The following TRAPPC9 variants were observed in gnomAD, a reference collection of about 807,000 sequenced individuals.
TRAPPC9 encodes the protein IKK2 binding protein.
TRAPPC9 carries 83 observed loss-of-function variants against 124.0 expected under a neutral mutation model. That is an observed-to-expected ratio of 0.67 (90% CI 0.56 to 0.80). TRAPPC9 has a LOEUF of 0.80. Among genes scored for constraint, TRAPPC9 ranks in the 30% least tolerant of loss-of-function variants. The pLI is 0.00. For synonymous variants in TRAPPC9, 638 were observed against 617.5 expected (o/e 1.03, Z -0.49); for missense variants, 1,302 against 1,508.3 (o/e 0.86, Z 2.27).
intron 17 of TRAPPC9, among the ~76,000 whole-genome samples, chr8:140,033,685 T>TTTTTTTTTTTTTTTTTTTTTTG (rs1840687348): frequency 1.7e-5 from 2 of 117,376 alleles, no homozygotes; most frequent in East Asian, 2.4e-4. Flanking sequence ...TTTTTTTTTT[T>TTTTTTTTTTTTTTTTTTTTTTG]TTTTTTTTTT....
chr8:140,371,131 T>C lies in TRAPPC9; in HGVS notation c.1184A>G (p.Tyr395Cys), dbSNP rs370310318. The C allele has an allele frequency of 9.9e-6, 16 of 1,614,020 alleles. No homozygotes were observed. The highest frequency in any genetic ancestry group is 1.1e-5 in the South Asian group (1 of 91,092). Residue 395 changes from tyrosine (Y) to cysteine (C), a missense_variant, in exon 8 of 23, where the codon TAT becomes TGT. Tyr to Cys is a radical substitution (Grantham distance 194, BLOSUM62 -2). Coordinates refer to ENST00000438773, the MANE Select transcript of TRAPPC9 (RefSeq NM_001160372.4). ...IQRYSILSEL[Y>C]ELIGFHRKSA... is the part of the protein sequence containing the mutation. ...CTTGCGATGGAAGCCGATCAGCTCA[T>C]AGAGCTCGGAGAGGATGCTGTAGCG...
chr8:139,844,885 T>A (rs536455965), intron 21 of TRAPPC9, among the ~76,000 whole-genome samples: 1 of 152,348 alleles, frequency 6.6e-6, no homozygotes, highest in East Asian at 1.9e-4. Context: ...CTGGCCAGGC[T>A]TGGCCTGAAG....
Position 140,305,300 on chromosome 8 carries a change from C to CT in TRAPPC9, c.1623-4687dup, listed in dbSNP as rs529113931. ...CTCACTCTGGTTACCTTAACTTGTT[C>CT]TTTTTTTTGAGAGAGAGAGAGAGGG... On this transcript the variant is annotated intron_variant, in intron 10 of 22. Coordinates refer to ENST00000438773, the MANE Select transcript of TRAPPC9 (RefSeq NM_001160372.4). Among the ~76,000 whole-genome samples, 344 of 152,020 alleles carry CT rather than the reference C, an allele frequency of 2.3e-3. 5 individuals are homozygous for CT. The highest frequency in any genetic ancestry group is 7.8e-3 in the African/African-American group (325 of 41,474).
intron 21 of TRAPPC9, among the ~76,000 whole-genome samples, chr8:139,864,054 C>T (rs940903348): frequency 1.3e-5 from 2 of 152,164 alleles, no homozygotes; most frequent in African/African-American, 4.8e-5. Context: ...CATTCTGGCC[C>T]AGCTCCATCA....
chr8:140,098,370 C>A (rs2060495920), intron 17 of TRAPPC9: 1 of 149,666 alleles, frequency 6.7e-6, no homozygotes, highest in South Asian at 2.1e-4. Flanking sequence ...GTAAAGAGTC[C>A]GCCCAGGTCC....
At chr8:139,863,927 G>C (rs957494316) in intron 21 of TRAPPC9, among the ~76,000 whole-genome samples, 1 of 152,206 alleles carries the variant, frequency 6.6e-6, no homozygotes, top group Non-Finnish European at 1.5e-5. Context: ...CATCACCCAG[G>C]ATGGCCAGAA....
At chr8:140,091,904 A>T (rs889186511) in intron 17 of TRAPPC9, among the ~76,000 whole-genome samples, 6 of 152,068 alleles carry the variant, frequency 3.9e-5, no homozygotes, top group African/African-American at 1.4e-4. Context: ...GACCTTCTAC[A>T]GTGGCGCCCA....
intron 15 of TRAPPC9, among the ~76,000 whole-genome samples, chr8:140,272,130 C>CAATGATGATGGTGATGGTGGT (rs1450234909): frequency 0.05 from 5,009 of 100,400 alleles, 109 homozygotes; most frequent in Middle Eastern, 0.089. Flanking sequence ...GTGATGGTGG[C>CAATGATGATGGTGATGGTGGT]GATGGTGATG....
At chr8:140,357,207 A>G (rs898667541) in intron 9 of TRAPPC9, among the ~76,000 whole-genome samples, 7 of 152,130 alleles carry the variant, frequency 4.6e-5, no homozygotes, top group Non-Finnish European at 8.8e-5. Context: ...AAGGCTTTCA[A>G]GAGGAGGCCA....
intron 17 of TRAPPC9, among the ~76,000 whole-genome samples, chr8:140,188,194 GCAAGAATGAGTGACAGT>G (rs2062394594): frequency 6.6e-6 from 1 of 152,232 alleles, no homozygotes; most frequent in Non-Finnish European, 1.5e-5. Flanking sequence ...GATTTCCCCA[GCAAGAATGAGTGACAGT>G]GTCACTGCCT....
At chr8:139,975,352 C>T (rs11779079) in intron 19 of TRAPPC9, among the ~76,000 whole-genome samples, 73,228 of 152,028 alleles carry the variant, frequency 0.48, 19,093 homozygotes, top group Middle Eastern at 0.63. Context: ...CTACAGATCG[C>T]TGGGCCCTGC....
chr8:140,421,654 G>T (rs375131516), intron 5 of TRAPPC9, among the ~76,000 whole-genome samples: 1 of 152,258 alleles, frequency 6.6e-6, no homozygotes, highest in East Asian at 1.9e-4. Context: ...CAGGCACTGT[G>T]CGAGGGAACA....
At chr8:139,929,343 A>G (rs747523175) in intron 19 of TRAPPC9, among the ~76,000 whole-genome samples, 3 of 152,210 alleles carry the variant, frequency 2.0e-5, no homozygotes, top group Non-Finnish European at 4.4e-5. Context: ...AGGATAACAG[A>G]TAACGTCTGA....
At chr8:140,347,604 T>C (rs1292669112) in intron 9 of TRAPPC9, among the ~76,000 whole-genome samples, 1 of 152,154 alleles carries the variant, frequency 6.6e-6, no homozygotes, top group African/African-American at 2.4e-5. Context: ...ATGTCTCTCC[T>C]CTTAGTAATT....
intron 13 of TRAPPC9, among the ~76,000 whole-genome samples, chr8:140,286,772 G>C (rs2065494729): frequency 6.6e-6 from 1 of 152,168 alleles, no homozygotes; most frequent in Admixed American, 6.5e-5. Context: ...GGAGGTGCAG[G>C]CTGGGAAGAA....
At chr8:140,439,308 T>A in intron 2 of TRAPPC9, 111 bp from the exon 3 acceptor site, 1 of 1,206,154 alleles carries the variant, frequency 8.3e-7, no homozygotes, top group Non-Finnish European at 1.2e-6. Context: ...AGAAGGCAAC[T>A]GTAGGCTCTA....
At chr8:139,929,403 GT>G (rs1163473941) in intron 19 of TRAPPC9, among the ~76,000 whole-genome samples, 1 of 152,066 alleles carries the variant, frequency 6.6e-6, no homozygotes, top group Non-Finnish European at 1.5e-5. Context: ...GTGCAATGCC[GT>G]TCTCAAACAC....
chr8:140,152,355 C>CTTT (rs34124150), intron 17 of TRAPPC9, among the ~76,000 whole-genome samples: 1,597 of 93,848 alleles, frequency 0.017, 75 homozygotes, highest in African/African-American at 0.044. Flanking sequence ...ATATTGCCAT[C>CTTT]TTTTTTTTTT....
intron 16 of TRAPPC9, among the ~76,000 whole-genome samples, chr8:140,246,446 T>C (rs1347338636): frequency 6.6e-6 from 1 of 152,244 alleles, no homozygotes; most frequent in Non-Finnish European, 1.5e-5. Flanking sequence ...GCTTTTCAAA[T>C]AGTTCATGAT....
Sources: allele counts gnomAD v4.1 joint callset (sites outside exome capture counted in the v4.1 genomes callset), GRCh38; gene constraint gnomAD v4.1.1; transcripts MANE v1.5; gene names NCBI Gene and HGNC (gene_info 2026-07-23, HGNC 2026-07-21).